The following PIEZO2 variants were observed in gnomAD, a reference collection of about 807,000 sequenced individuals.
PIEZO2 encodes the protein piezo-type mechanosensitive ion channel component 2.
A neutral mutation model predicts 337.3 loss-of-function variants in PIEZO2; 172 were observed. That is an observed-to-expected ratio of 0.51 (90% CI 0.45 to 0.58). The LOEUF is 0.58. PIEZO2 is among the 20% of genes least tolerant of loss of function. The pLI, the probability that PIEZO2 is intolerant of heterozygous loss-of-function variation, is 0.00. For missense variants in PIEZO2, 3,028 were observed against 3,391.3 expected, an observed-to-expected ratio of 0.89 and a Z score of 2.66; for synonymous variants, 1,251 against 1,228.5, an observed-to-expected ratio of 1.02 and a Z score of -0.38.
chr18:10,734,837 A>G (rs1014188249), intron 35 of PIEZO2, among the ~76,000 whole-genome samples: 16 of 152,190 alleles, frequency 1.1e-4, no homozygotes, highest in African/African-American at 3.9e-4. Context: ...ATCTTTTATT[A>G]GCTTATCCAG....
intron 55 of PIEZO2, 71 bp from the exon 56 acceptor site, chr18:10,671,850 A>G: frequency 7.5e-7 from 1 of 1,329,780 alleles, no homozygotes; most frequent in Non-Finnish European, 1.0e-6. Flanking sequence ...CATGTCTAAA[A>G]GAAAAAAATA....
chr18:11,118,990 A>T (rs969780147), intron 1 of PIEZO2, among the ~76,000 whole-genome samples: 1 of 152,160 alleles, frequency 6.6e-6, no homozygotes, highest in Admixed American at 6.5e-5. Context: ...TTATTCTTGC[A>T]GTTTCCCTAG....
chr18:11,032,130 G>A lies in PIEZO2; in HGVS notation c.160+33997C>T, dbSNP rs975094606. Among the ~76,000 whole-genome samples, 3 of 152,178 alleles carry A rather than the reference G, an allele frequency of 2.0e-5. No individual in the cohort carries two copies. The highest frequency in any genetic ancestry group is 4.8e-5 in the African/African-American group (2 of 41,436). ...GCCCCAATCATGCTATTTGAATTGA[G>A]TAACAAACTATGAAGTGAAATTCTG... On this transcript the variant is annotated intron_variant, in intron 2 of 55. Coordinates refer to ENST00000674853, the MANE Select transcript of PIEZO2 (RefSeq NM_001378183.1). This position sits in a 1 kb window ranked among gnomAD's most constrained non-coding sequence, Gnocchi z 4.9.
At position 10,973,036 on chromosome 18, in the gene PIEZO2, A is replaced by G. The variant is rs2034304100; in HGVS notation, c.286+6499T>C. On this transcript the variant is annotated intron_variant, in intron 3 of 55. Transcript: ENST00000674853. This position sits in a 1 kb window ranked among gnomAD's most constrained non-coding sequence, Gnocchi z 4.9. ...TGCAACTAGCTCACAGTCACCCAAGATCCTAAATTTTCTCATATATTAAAT... is the reference window on the plus strand; with the variant it reads ...TGCAACTAGCTCACAGTCACCCAAGGTCCTAAATTTTCTCATATATTAAAT... 1.3e-5 allele frequency among the ~76,000 whole-genome samples: 2 copies of G among 152,198 alleles called. No homozygotes were observed. The highest frequency in any genetic ancestry group is 4.1e-4 in the South Asian group (2 of 4,832).
chr18:10,703,014 G>C (rs2143755967), intron 42 of PIEZO2, among the ~76,000 whole-genome samples: 1 of 152,196 alleles, frequency 6.6e-6, no homozygotes, highest in African/African-American at 2.4e-5. Context: ...ACCATGCCTG[G>C]CTAATGTTTT....
chr18:11,145,391 C>G (rs149905931), intron 1 of PIEZO2, among the ~76,000 whole-genome samples: 1 of 152,024 alleles, frequency 6.6e-6, no homozygotes, highest in African/African-American at 2.4e-5. Flanking sequence ...ATATTAAACA[C>G]AATAGCAGTT....
At chr18:10,829,214 T>C (rs956617891) in intron 7 of PIEZO2, among the ~76,000 whole-genome samples, 4 of 152,112 alleles carry the variant, frequency 2.6e-5, no homozygotes, top group African/African-American at 9.7e-5. Context: ...TTTCTCAAAG[T>C]AGGATATTTT....
intron 7 of PIEZO2, among the ~76,000 whole-genome samples, chr18:10,845,228 A>T (rs2041321291): frequency 1.3e-5 from 2 of 152,136 alleles, no homozygotes; most frequent in South Asian, 4.1e-4. Flanking sequence ...ACACACACAC[A>T]CAACTTCAAC....
Position 11,112,919 on chromosome 18 carries a change from C to G in PIEZO2, c.64+35606G>C, listed in dbSNP as rs1023427290. Among the ~76,000 whole-genome samples, 2 of 152,186 alleles carry G rather than the reference C, an allele frequency of 1.3e-5. No homozygotes were observed. The highest frequency in any genetic ancestry group is 1.3e-4 in the Admixed American group (2 of 15,284). Reference sequence around the variant, plus strand: ...TCTGGGCCCATCTAAGACTGCCTCCCAGGGTTTTCTCAGGTTCAAGCTGCT... The same window carrying G: ...TCTGGGCCCATCTAAGACTGCCTCCGAGGGTTTTCTCAGGTTCAAGCTGCT... On this transcript the variant is annotated intron_variant, in intron 1 of 55. Coordinates refer to ENST00000674853, the MANE Select transcript of PIEZO2 (RefSeq NM_001378183.1). The surrounding 1 kb of genome is among the most constrained non-coding windows in gnomAD (Gnocchi z 4.3).
intron 17 of PIEZO2, among the ~76,000 whole-genome samples, chr18:10,782,505 TTA>T (rs1306117713): frequency 4.5e-5 from 6 of 133,356 alleles, no homozygotes; most frequent in Non-Finnish European, 6.2e-5. Context: ...TATTCTTATA[TTA>T]TATATATTAT....
intron 2 of PIEZO2, among the ~76,000 whole-genome samples, chr18:10,995,092 A>AAAGAAAAAAAAAAG: frequency 1.0e-5 from 1 of 99,650 alleles, no homozygotes; most frequent in Admixed American, 1.0e-4. Context: ...AAAAAAAAAA[A>AAAGAAAAAAAAAAG]AAAAGAAAAG....
rs1304415676 is a variant in PIEZO2 at position 10,850,232 on chromosome 18, G to A, written c.917+5121C>T. Reference sequence around the variant, plus strand: ...TGCAGATGAAACTGGAAGGAAGCACGTGATTTTTTGGGACCATGGGGTGAA... The same window carrying A: ...TGCAGATGAAACTGGAAGGAAGCACATGATTTTTTGGGACCATGGGGTGAA... On this transcript the variant is annotated intron_variant, in intron 7 of 55. Transcript: ENST00000674853. This position sits in a 1 kb window ranked among gnomAD's most constrained non-coding sequence, Gnocchi z 4.5. Among the ~76,000 whole-genome samples, 1 of 152,190 alleles carries A rather than the reference G, an allele frequency of 6.6e-6. No homozygotes were observed. The highest frequency in any genetic ancestry group is 1.5e-5 in the Non-Finnish European group (1 of 68,046).
At chr18:10,832,242 A>T (rs150544102) in intron 7 of PIEZO2, among the ~76,000 whole-genome samples, 3,684 of 152,246 alleles carry the variant, frequency 0.024, 160 homozygotes, top group African/African-American at 0.085. Context: ...CTCTGTCTCA[A>T]AAAAACAAAA....
rs960340995 is a variant in PIEZO2 at position 10,891,130 on chromosome 18, C to T, written c.330-19715G>A. ...GGTGGATTACTTAAGGCCAGGAGTT[C>T]GAGAGCAACATGGTGAAACCCTGTC... On this transcript the variant is annotated intron_variant, in intron 4 of 55. Transcript: ENST00000674853. Among the ~76,000 whole-genome samples the T allele has an allele frequency of 3.9e-5, 6 of 152,102 alleles. No homozygotes were observed. In the South Asian group the frequency reaches 6.2e-4, roughly 16 times the overall value.
At chr18:10,881,286 C>A (rs1180817309) in intron 4 of PIEZO2, among the ~76,000 whole-genome samples, 1 of 152,082 alleles carries the variant, frequency 6.6e-6, no homozygotes, top group Non-Finnish European at 1.5e-5. Context: ...TGTGTGAGTG[C>A]CACACGGATT....
rs570708097 is a variant in PIEZO2, at chr18:10,878,745, C to T, written c.330-7330G>A. Among the ~76,000 whole-genome samples, 157 of 149,426 alleles carry T rather than the reference C, an allele frequency of 1.1e-3. No homozygotes were observed. Among genetic ancestry groups the T allele is most frequent in the African/African-American group, 3.7e-3 (149 of 40,230 alleles). On this transcript the variant is annotated intron_variant, in intron 4 of 55. Transcript: ENST00000674853. This position sits in a 1 kb window ranked among gnomAD's most constrained non-coding sequence, Gnocchi z 4.3. ...TATGAAGGAAGTAAAGTCAGAAACA[C>T]AGGGTAAGGTCAGACCATACAAAGC...
At chr18:11,049,779 A>G (rs1258454638) in intron 2 of PIEZO2, among the ~76,000 whole-genome samples, 1 of 151,996 alleles carries the variant, frequency 6.6e-6, no homozygotes, top group Non-Finnish European at 1.5e-5. Context: ...TTCGCCTCCC[A>G]CCATGATTGT....
intron 49 of PIEZO2, among the ~76,000 whole-genome samples, chr18:10,687,457 A>G (rs185530474): frequency 2.1e-4 from 32 of 151,434 alleles, no homozygotes; most frequent in Non-Finnish European, 3.7e-4. Flanking sequence ...CTCTACTCTC[A>G]TGCTTAGTAG....
At chr18:11,066,040 C>T (rs1456146894) in intron 2 of PIEZO2, 87 bp downstream of exon 2, 2 of 1,048,894 alleles carry the variant, frequency 1.9e-6, no homozygotes, top group Non-Finnish European at 2.8e-6. Context: ...AACATCTCTG[C>T]CATTAGATAA....
Sources: gnomAD v4.1 joint callset for allele counts (sites outside exome capture counted in the v4.1 genomes callset) on GRCh38, gnomAD v4.1.1 for gene constraint, Gnocchi (gnomAD v3.1) non-coding constraint, MANE v1.5 for transcripts, NCBI Gene and HGNC (gene_info 2026-07-23, HGNC 2026-07-21) for gene names.